Variants in EHMT1 observed in about 807,000 individuals in gnomAD.
EHMT1 encodes the protein histone-lysine N-methyltransferase EHMT1.
A neutral mutation model predicts 147.2 loss-of-function variants in EHMT1; 15 were observed. The observed-to-expected ratio is 0.10, with a 90% CI of 0.07 to 0.16. The LOEUF is 0.16. Ranked by LOEUF, EHMT1 falls within the 10% of genes least tolerant of loss-of-function variation. EHMT1 has a pLI of 1.00. For missense variants in EHMT1, 1,587 were observed against 1,772.4 expected (o/e 0.90, Z 1.88); for synonymous variants, 795 against 709.6 (o/e 1.12, Z -1.91).
chr9:137,657,514 AT>A (rs1227508345), intron 1 of EHMT1, among the ~76,000 whole-genome samples: 5 of 148,480 alleles, frequency 3.4e-5, no homozygotes, highest in African/African-American at 1.3e-4. Flanking sequence ...TTTTTTTTTA[AT>A]AAAAATTTTT....
intron 6 of EHMT1, 35 bp from the exon 7 acceptor site, chr9:137,752,296 G>C (rs1588522077): frequency 6.2e-7 from 1 of 1,611,808 alleles, no homozygotes; most frequent in South Asian, 1.1e-5. Flanking sequence ...TCTGTTTTCT[G>C]TTTGGGTTCC....
At chr9:137,631,532 A>G (rs1196978312) in intron 1 of EHMT1, among the ~76,000 whole-genome samples, 1 of 152,224 alleles carries the variant, frequency 6.6e-6, no homozygotes, top group Non-Finnish European at 1.5e-5. Context: ...TGTGGCACTT[A>G]AGGACATTTT....
intron 19 of EHMT1, 26 bp downstream of exon 19, chr9:137,811,641 G>A (rs918264668): frequency 8.1e-6 from 13 of 1,599,170 alleles, no homozygotes; most frequent in East Asian, 2.2e-5. Context: ...CCCCCAGCGC[G>A]GGCTGGCGCT....
intron 2 of EHMT1, chr9:137,715,623 T>A: frequency 1.0e-6 from 1 of 985,444 alleles, no homozygotes; most frequent in Non-Finnish European, 1.2e-6. Context: ...TGCCTCAGCC[T>A]GTCCTGAGCT....
rs537099687 is a variant in EHMT1 at position 137,815,851 on chromosome 9, T to A, written c.3259-96T>A. On this transcript the variant is annotated intron_variant, in intron 22 of 26. Coordinates refer to ENST00000460843, the MANE Select transcript of EHMT1 (RefSeq NM_024757.5). ...AGAAACCATCGTTTTTATGTCCGTT[T>A]AAGCCACACTGGGCACTTAGTAGAA... 6 of 1,061,232 alleles carry A rather than the reference T, an allele frequency of 5.7e-6. No homozygotes were observed. In the East Asian group the frequency reaches 1.6e-4, roughly 27 times the overall value. 65.7% of individuals were successfully genotyped at this position (1,061,232 alleles called of 1,614,324 possible). A position where few individuals can be genotyped will look rare whatever the true frequency, so the allele number is the denominator to read the frequency against.
At chr9:137,767,736 C>T (rs1022475154) in intron 10 of EHMT1, among the ~76,000 whole-genome samples, 1 of 152,002 alleles carries the variant, frequency 6.6e-6, no homozygotes, top group Non-Finnish European at 1.5e-5. Flanking sequence ...TCTCTTGAAC[C>T]CGGGAGGTGG....
chr9:137,720,747 G>A (rs1040160616), intron 3 of EHMT1, among the ~76,000 whole-genome samples: 1 of 152,162 alleles, frequency 6.6e-6, no homozygotes, highest in African/African-American at 2.4e-5. Context: ...GTTCTGTGGG[G>A]TGTGGACAGC....
chr9:137,795,401 G>GCACGCACACACACACACACACACA (rs1554887413), intron 16 of EHMT1, among the ~76,000 whole-genome samples: 1 of 130,178 alleles, frequency 7.7e-6, no homozygotes, highest in Non-Finnish European at 1.7e-5. Flanking sequence ...ATCGCAGGGT[G>GCACGCACACACACACACACACACA]CACACACACA....
rs557971867 is a variant in EHMT1, at chr9:137,622,981, TG to T, written c.21+3935del. ...ATCCCAGCACTTTGGGAGGCTGAGG[TG>T]GGTGGATCACGAGGTCAGGAGATCG... On this transcript the variant is annotated intron_variant, in intron 1 of 26. Coordinates refer to ENST00000460843, the MANE Select transcript of EHMT1 (RefSeq NM_024757.5). 5.3e-3 allele frequency among the ~76,000 whole-genome samples: 789 copies of T among 148,950 alleles called. 9 individuals are homozygous for T. The highest frequency in any genetic ancestry group is 0.019 in the African/African-American group (748 of 40,260).
At chr9:137,688,414 C>T (rs541162944) in intron 1 of EHMT1, among the ~76,000 whole-genome samples, 6 of 152,272 alleles carry the variant, frequency 3.9e-5, no homozygotes, top group Admixed American at 3.3e-4. Flanking sequence ...CATACCTTGC[C>T]ACGCTGCTGG....
At chr9:137,676,196 A>C (rs749489884) in intron 1 of EHMT1, 3 of 151,900 alleles carry the variant, frequency 2.0e-5, no homozygotes, top group Admixed American at 1.3e-4. Context: ...CTGAGATTAC[A>C]GGCGTGAGCC....
intron 1 of EHMT1, among the ~76,000 whole-genome samples, chr9:137,660,962 TAGC>T (rs1264539270): frequency 2.0e-5 from 3 of 152,240 alleles, no homozygotes; most frequent in African/African-American, 4.8e-5. Flanking sequence ...GAACATATAA[TAGC>T]AGTTTTATTT....
At position 137,732,117 on chromosome 9, in the gene EHMT1, C is replaced by T. The variant is rs916710443; in HGVS notation, c.823+3588C>T. Among the ~76,000 whole-genome samples the T allele has an allele frequency of 6.6e-6, 1 of 152,258 alleles. No homozygotes were observed. Among genetic ancestry groups the T allele is most frequent in the African/African-American group, 2.4e-5 (1 of 41,476 alleles). The stretch of plus-strand genomic sequence containing the variant: ...CTGCCGCTTTCGCCCTGGCCTGCAG[C>T]TCCCAGGCTGGCCTGGCTCCACTGC... On this transcript the variant is annotated intron_variant, in intron 4 of 26. Transcript: ENST00000460843. This position sits in a 1 kb window ranked among gnomAD's most constrained non-coding sequence, Gnocchi z 4.6.
chr9:137,726,735 G>A (rs1038374340), intron 3 of EHMT1, among the ~76,000 whole-genome samples: 10 of 152,204 alleles, frequency 6.6e-5, no homozygotes, highest in Non-Finnish European at 1.5e-4. Flanking sequence ...CAGTGCACAA[G>A]GGTTCCCATT....
At chr9:137,751,539 C>T (rs1039747217) in intron 6 of EHMT1, among the ~76,000 whole-genome samples, 15 of 152,142 alleles carry the variant, frequency 9.9e-5, no homozygotes, top group African/African-American at 3.4e-4. Context: ...AAAGGCAGCC[C>T]CATGCCGCCT....
chr9:137,760,975 C>A (rs1482866513), intron 9 of EHMT1, among the ~76,000 whole-genome samples: 1 of 152,182 alleles, frequency 6.6e-6, no homozygotes, highest in Non-Finnish European at 1.5e-5. Flanking sequence ...CCACTGCACT[C>A]CAGCCTGGGC....
In EHMT1 at chr9:137,779,343, G is replaced by A. The variant is rs142687585; in HGVS notation, c.2193-292G>A. Among the ~76,000 whole-genome samples the A allele has an allele frequency of 3.0e-3, 464 of 152,356 alleles. 3 individuals carry two copies. The highest frequency in any genetic ancestry group is 0.01 in the African/African-American group (433 of 41,588). On this transcript the variant is annotated intron_variant, in intron 13 of 26. Transcript: ENST00000460843. Reference sequence around the variant, plus strand: ...TGCATCCTGCGCTGGTTCTGTCGTCGTGTTGTGTAAAAGCCTCACAGTGCG... The same window carrying A: ...TGCATCCTGCGCTGGTTCTGTCGTCATGTTGTGTAAAAGCCTCACAGTGCG...
rs566421940 is a variant in EHMT1 at position 137,787,844 on chromosome 9, C to T, written c.2383-3004C>T. 75 of 1,038,690 alleles carry T rather than the reference C, an allele frequency of 7.2e-5. No individual in the cohort carries two copies. The highest frequency in any genetic ancestry group is 7.0e-4 in the South Asian group (56 of 79,604). The allele number at this position is 1,038,690 out of a possible 1,614,324, so 64.3% of individuals were successfully genotyped here. On this transcript the variant is annotated intron_variant, in intron 15 of 26. Transcript: ENST00000460843. The surrounding 1 kb of genome is among the most constrained non-coding windows in gnomAD (Gnocchi z 4.2). ...CCCCCCAGTAGGCAGAGCTGGTTGA[C>T]GGTGGACATTGGGGATAGGAGGTGG...
intron 25 of EHMT1, among the ~76,000 whole-genome samples, chr9:137,830,301 C>T (rs1322046475): frequency 6.6e-6 from 1 of 152,156 alleles, no homozygotes; most frequent in Non-Finnish European, 1.5e-5. Flanking sequence ...AGCCATTTCT[C>T]CAGGATGTCC....
Sources: gnomAD v4.1 joint callset for allele counts (sites outside exome capture counted in the v4.1 genomes callset) on GRCh38, gnomAD v4.1.1 for gene constraint, Gnocchi (gnomAD v3.1) non-coding constraint, MANE v1.5 for transcripts, NCBI Gene and HGNC (gene_info 2026-07-23, HGNC 2026-07-21) for gene names.